Variants in UBN2 observed in about 807,000 individuals in gnomAD.
The protein encoded by UBN2 is ubinuclein-2.
A neutral mutation model predicts 120.2 loss-of-function variants in UBN2; 35 were observed. The observed-to-expected ratio is 0.29, with a 90% CI of 0.22 to 0.39. The LOEUF is 0.39. Ranked by LOEUF, UBN2 falls within the 10% of genes least tolerant of loss-of-function variation. The pLI, the probability that UBN2 is intolerant of heterozygous loss-of-function variation, is 1.00. For missense variants in UBN2, 1,693 were observed against 1,663.2 expected, an observed-to-expected ratio of 1.02 and a Z score of -0.31; for synonymous variants, 661 against 648.7, an observed-to-expected ratio of 1.02 and a Z score of -0.29.
At chr7:139,272,577 A>C in intron 9 of UBN2, 137 bp downstream of exon 9, 4 of 652,742 alleles carry the variant, frequency 6.1e-6, no homozygotes, top group Non-Finnish European at 9.9e-6. Flanking sequence ...CCCAGGCTGG[A>C]GTGGAATGGT....
In UBN2 at chr7:139,283,204, C is replaced by T. The variant is rs1045404312; in HGVS notation, c.2299C>T (p.Leu767=). 1.1e-5 allele frequency: 17 copies of T among 1,612,794 alleles called. No homozygotes were observed. The highest frequency in any genetic ancestry group is 1.4e-5 in the Non-Finnish European group (17 of 1,179,910). The change falls in exon 15 of 18, where the codon CTG becomes TTG. Residue 767 remains leucine, a synonymous_variant. Coordinates refer to ENST00000473989, the MANE Select transcript of UBN2 (RefSeq NM_173569.4). The stretch of plus-strand genomic sequence containing the variant: ...AGACCTTTCTTTCCATTCACCTTCA[C>T]TGGATCTTGTTTCTGAAGCTTTAGC... ...DEDLSFHSPS[L]DLVSEALAVI...
At chr7:139,310,829 A>G (rs1460026272), downstream of UBN2, among the ~76,000 whole-genome samples, 1 of 152,174 alleles carries the variant, frequency 6.6e-6, no homozygotes, top group Non-Finnish European at 1.5e-5. Flanking sequence ...AGCATTTTTC[A>G]GTTATCTTGG....
In UBN2 at chr7:139,261,858, GATAAAA is replaced by G. The variant is rs1385524711; in HGVS notation, c.1395+122_1395+127del. ...GGTATAATTGCTTTTGTTTTTTAAA[GATAAAA>G]ATAATAAACTACAATCTGAACATTT... On this transcript the variant is annotated intron_variant, in intron 6 of 17. Transcript: ENST00000473989. 8 of 1,095,218 alleles carry G rather than the reference GATAAAA, an allele frequency of 7.3e-6. No individual in the cohort carries two copies. In the East Asian group the frequency reaches 1.1e-4, roughly 15 times the overall value. The allele number at this position is 1,095,218 out of a possible 1,614,324, so 67.8% of individuals were successfully genotyped here. A position where few individuals can be genotyped will look rare whatever the true frequency, so the allele number is the denominator to read the frequency against.
chr7:139,254,301 C>CA (rs971384690), intron 3 of UBN2, among the ~76,000 whole-genome samples: 19 of 148,884 alleles, frequency 1.3e-4, no homozygotes, highest in East Asian at 3.9e-4. Context: ...TCAAAAAAAA[C>CA]AAAAAAAAAA....
In UBN2 at chr7:139,284,288, TA is replaced by T; in HGVS notation, c.3384del (p.Leu1128PhefsTer22). On this transcript the variant is annotated frameshift_variant, in exon 15 of 18. Transcript: ENST00000473989. LOFTEE classifies it high-confidence loss of function. Reference sequence around the variant, plus strand: ...AGCAGACAGTCTCCCACCTTGAATTTATTGCCCTCTAGTCGCACTTCAGGCC... The same window carrying T: ...AGCAGACAGTCTCCCACCTTGAATTTTTGCCCTCTAGTCGCACTTCAGGCC... ...NISRQSPTLN[L>X]LPSSRTSGLP... 1 of 1,614,204 alleles carries T rather than the reference TA, an allele frequency of 6.2e-7. No individual in the cohort carries two copies. Among genetic ancestry groups the T allele is most frequent in the Non-Finnish European group, 8.5e-7 (1 of 1,180,038 alleles).
the UBN2 span, among the ~76,000 whole-genome samples, chr7:139,316,044 T>A: frequency 1.7e-5 from 2 of 116,042 alleles, no homozygotes; most frequent in African/African-American, 3.3e-5. Context: ...GCTGTTGCAC[T>A]CCAGCCTGGG....
intron 2 of UBN2, among the ~76,000 whole-genome samples, chr7:139,241,983 G>A (rs1026106900): frequency 6.6e-6 from 1 of 152,026 alleles, no homozygotes; most frequent in African/African-American, 2.4e-5. Flanking sequence ...GGCGACAAGA[G>A]CGAGAATCCA....
At chr7:139,294,130 A>AT in intron 17 of UBN2, 149 bp downstream of exon 17, 1 of 727,992 alleles carries the variant, frequency 1.4e-6, no homozygotes, top group African/African-American at 1.8e-5. Context: ...TTAGCAACAG[A>AT]TTCCTTTTAA....
At chr7:139,269,766 G>T (rs570757730) in intron 8 of UBN2, among the ~76,000 whole-genome samples, 1 of 152,056 alleles carries the variant, frequency 6.6e-6, no homozygotes, top group Non-Finnish European at 1.5e-5. Flanking sequence ...AATATAGTAG[G>T]TATGCTCTGA....
chr7:139,327,155 T>C, the UBN2 span, among the ~76,000 whole-genome samples: 1 of 152,204 alleles, frequency 6.6e-6, no homozygotes, highest in Non-Finnish European at 1.5e-5. Context: ...TGCCTCAGCC[T>C]CCTGAGTAGC....
Position 139,293,266 on chromosome 7 carries a change from C to T in UBN2, c.3704C>T (p.Ser1235Leu). 3 of 1,614,206 alleles carry T rather than the reference C, an allele frequency of 1.9e-6. No homozygotes were observed. The highest frequency in any genetic ancestry group is 3.3e-4 in the Middle Eastern group (2 of 6,062). ...GGAGCATCATTATTGGCTAATGCCT[C>T]ACCTCTGACTCTCATGACATCACCT... ...TAGASLLANA[S>L]PLTLMTSPLS... The change falls in exon 16 of 18, where the codon TCA (serine) becomes TTA (leucine). Residue 1235 changes from serine (S) to leucine (L), a missense_variant. Transcript: ENST00000473989.
chr7:139,250,209 C>G (rs1191795442), intron 2 of UBN2, among the ~76,000 whole-genome samples: 1 of 152,082 alleles, frequency 6.6e-6, no homozygotes, highest in Non-Finnish European at 1.5e-5. Context: ...GCACTCTAGT[C>G]TGGGCTACAG....
intron 2 of UBN2, among the ~76,000 whole-genome samples, chr7:139,247,234 G>A (rs1320250976): frequency 6.6e-6 from 1 of 151,962 alleles, no homozygotes; most frequent in Admixed American, 6.6e-5. Context: ...TGATGAATCA[G>A]AGAACAATTG....
intron 1 of UBN2, among the ~76,000 whole-genome samples, chr7:139,235,755 T>C (rs1048752599): frequency 1.3e-5 from 2 of 152,246 alleles, no homozygotes; most frequent in African/African-American, 2.4e-5. Flanking sequence ...AATTTATTAC[T>C]TATTACAATA....
At chr7:139,273,714 A>G (rs181328400) in intron 10 of UBN2, among the ~76,000 whole-genome samples, 72 of 152,332 alleles carry the variant, frequency 4.7e-4, no homozygotes, top group African/African-American at 1.4e-3. Flanking sequence ...TAGTATTTCT[A>G]TACCCCAAGT....
intron 17 of UBN2, 78 bp downstream of exon 17, chr7:139,294,059 GT>G: frequency 6.9e-7 from 1 of 1,444,612 alleles, no homozygotes; most frequent in Non-Finnish European, 9.6e-7. Context: ...TGAAAACAAT[GT>G]GAATGGAATG....
chr7:139,233,103 A>G (rs1584980193), intron 1 of UBN2, among the ~76,000 whole-genome samples: 1 of 152,206 alleles, frequency 6.6e-6, no homozygotes, highest in East Asian at 1.9e-4. Context: ...ACAAAGTATC[A>G]TGTTGAACAA....
chr7:139,270,542 T>G (rs571530724), intron 8 of UBN2, among the ~76,000 whole-genome samples: 63 of 152,138 alleles, frequency 4.1e-4, no homozygotes, highest in Non-Finnish European at 8.1e-4. Flanking sequence ...GTGCTAGGAT[T>G]ACAGGCGTGA....
At chr7:139,246,053 G>T (rs1255590374) in intron 2 of UBN2, among the ~76,000 whole-genome samples, 1 of 152,074 alleles carries the variant, frequency 6.6e-6, no homozygotes, top group Admixed American at 6.6e-5. Context: ...TAATTAGGTG[G>T]TAATTATGCA....
Sources: gnomAD v4.1 joint callset for allele counts (sites outside exome capture counted in the v4.1 genomes callset) on GRCh38, gnomAD v4.1.1 for gene constraint, MANE v1.5 for transcripts, NCBI Gene and HGNC (gene_info 2026-07-23, HGNC 2026-07-21) for gene names.